IQGAP1: variants seen among roughly 807,000 people sequenced by gnomAD.
The protein encoded by IQGAP1 is ras GTPase-activating-like protein IQGAP1.
IQGAP1 carries 66 observed loss-of-function variants against 215.6 expected under a neutral mutation model. The ratio of observed to expected loss-of-function variants is 0.31; its 90% CI spans 0.25 to 0.38. The LOEUF is 0.38. Ranked by LOEUF, IQGAP1 falls within the 10% of genes least tolerant of loss-of-function variation. The probability of loss-of-function intolerance (pLI) is 1.00; values close to 1 mark genes in which losing one functional copy is unlikely to be tolerated. For synonymous variants in IQGAP1, 772 were observed against 728.7 expected (o/e 1.06, Z -0.96); for missense variants, 1,712 against 1,997.1 (o/e 0.86, Z 2.72).
chr15:90,449,805 G>T (rs573522409), intron 11 of IQGAP1, among the ~76,000 whole-genome samples, 162 bp downstream of exon 11: 2 of 152,176 alleles, frequency 1.3e-5, no homozygotes, highest in African/African-American at 4.8e-5. Flanking sequence ...GTTTGTTGTT[G>T]TGGTGGTTTT....
chr15:90,440,369 T>A, intron 6 of IQGAP1, 133 bp from the exon 7 acceptor site: 1 of 620,792 alleles, frequency 1.6e-6, no homozygotes, highest in Non-Finnish European at 2.9e-6. Context: ...ATACATTGTA[T>A]CTTTATATCC....
rs559429683 is a variant in IQGAP1, at chr15:90,401,145, C to T, written c.155+10272C>T. ...GGAACCTGGAGGGCCTGTGGCCTAC[C>T]GGATCAAATCAGGGCTCTGCTCCTT... On this transcript the variant is annotated intron_variant, in intron 2 of 37. Coordinates refer to ENST00000268182, the MANE Select transcript of IQGAP1 (RefSeq NM_003870.4). Among the ~76,000 whole-genome samples the T allele has an allele frequency of 1.4e-4, 21 of 152,080 alleles. No homozygotes were observed. The East Asian group carries it at 1.5e-3, about 11-fold the overall frequency.
intron 2 of IQGAP1, among the ~76,000 whole-genome samples, chr15:90,424,517 C>G (rs10520687): frequency 0.2 from 30,561 of 152,086 alleles, 3,235 homozygotes; most frequent in African/African-American, 0.25. Context: ...GAGTACGCTG[C>G]CTAATTTAAA....
intron 19 of IQGAP1, chr15:90,473,441 G>T (rs2151032029): frequency 2.2e-6 from 1 of 445,744 alleles, no homozygotes; most frequent in Non-Finnish European, 4.1e-6. Context: ...TCCTCACCTG[G>T]TTTGTTGTAA....
intron 28 of IQGAP1, 71 bp from the exon 29 acceptor site, chr15:90,483,290 T>C: frequency 8.5e-7 from 1 of 1,174,032 alleles, no homozygotes; most frequent in South Asian, 1.3e-5. Flanking sequence ...TTTTCTTTGC[T>C]AGCAAAGTCA....
At position 90,483,593 on chromosome 15, in the gene IQGAP1, G is replaced by C. The variant is rs533690641; in HGVS notation, c.3788G>C (p.Arg1263Thr). Residue 1263 changes from arginine (R) to threonine (T), a missense_variant and splice_region_variant, in exon 29 of 38, where the codon AGA (arginine) becomes ACA (threonine). By Grantham distance (71) the Arg-to-Thr change is moderately conservative. Coordinates refer to ENST00000268182, the MANE Select transcript of IQGAP1 (RefSeq NM_003870.4). Reference protein sequence around the residue: ...EYLSQSYQKFRRFFQTACDVP... With the variant: ...EYLSQSYQKFTRFFQTACDVP... ...CTTTCCCAGTCCTACCAGAAATTCA[G>C]GTAAGGGGAAAGGCACAAGTGCTTA... is the stretch of plus-strand genomic sequence containing the variant. 2 of 1,597,932 alleles carry C rather than the reference G, an allele frequency of 1.3e-6. No homozygotes were observed. Among genetic ancestry groups the C allele is most frequent in the Non-Finnish European group, 1.7e-6 (2 of 1,168,966 alleles).
At chr15:90,391,004 TG>T (rs1490153046) in intron 2 of IQGAP1, 131 bp downstream of exon 2, 8 of 620,962 alleles carry the variant, frequency 1.3e-5, no homozygotes, top group Non-Finnish European at 2.1e-5. Flanking sequence ...GAGGCCGAGG[TG>T]GGGGGGAATC....
intron 3 of IQGAP1, among the ~76,000 whole-genome samples, chr15:90,428,697 C>T (rs1238791418): frequency 1.3e-5 from 2 of 152,040 alleles, no homozygotes; most frequent in African/African-American, 4.8e-5. Context: ...GTGAGAATAT[C>T]GCTTGAGCCC....
At chr15:90,487,770 C>T (rs906480767) in intron 33 of IQGAP1, among the ~76,000 whole-genome samples, 188 bp downstream of exon 33, 1 of 152,030 alleles carries the variant, frequency 6.6e-6, no homozygotes, top group Admixed American at 6.6e-5. Context: ...CAGGTGATGT[C>T]CTTTGGACAG....
rs998000829 is a variant in IQGAP1 at position 90,433,702 on chromosome 15, CTTTT to C, written c.391-16_391-13del. On this transcript the variant is annotated splice_polypyrimidine_tract_variant and intron_variant, in intron 4 of 37. Transcript: ENST00000268182. ...AGTGAATGGATATCTTACTCTGTTT[CTTTT>C]ATTTCTCCCTAGATTTTTTACCCAG... The C allele has an allele frequency of 4.1e-6, 6 of 1,480,290 alleles. No individual in the cohort carries two copies. The African/African-American group carries it at 8.4e-5, about 21-fold the overall frequency. 91.7% of individuals were successfully genotyped at this position (1,480,290 alleles called of 1,614,324 possible). A position where few individuals can be genotyped will look rare whatever the true frequency, so the allele number is the denominator to read the frequency against.
At chr15:90,388,771 C>G (rs992271208) in intron 1 of IQGAP1, among the ~76,000 whole-genome samples, 8 of 152,166 alleles carry the variant, frequency 5.3e-5, no homozygotes, top group South Asian at 2.1e-4. Flanking sequence ...GGGCTCTGCC[C>G]GTTTCGTGGA....
At chr15:90,465,896 C>A in intron 15 of IQGAP1, 105 bp from the exon 16 acceptor site, 1 of 875,384 alleles carries the variant, frequency 1.1e-6, no homozygotes, top group South Asian at 1.4e-5. Flanking sequence ...TTTTTTAAGC[C>A]TGTTCTTCCA....
chr15:90,391,550 T>G (rs1964636097), intron 2 of IQGAP1: 1 of 152,426 alleles, frequency 6.6e-6, no homozygotes, highest in Non-Finnish European at 1.5e-5. Flanking sequence ...TATATATGAA[T>G]TGAGTCTCCT....
intron 35 of IQGAP1, 48 bp from the exon 36 acceptor site, chr15:90,494,665 C>G (rs531218579): frequency 2.0e-6 from 3 of 1,520,674 alleles, no homozygotes; most frequent in African/African-American, 2.8e-5. Context: ...GATGAAGATT[C>G]AGAGTAGATG....
intron 26 of IQGAP1, among the ~76,000 whole-genome samples, chr15:90,479,476 G>A (rs1039375817): frequency 2.6e-5 from 4 of 151,566 alleles, no homozygotes; most frequent in Admixed American, 6.6e-5. Flanking sequence ...GGTAGCTCAC[G>A]ACTGTAATCC....
chr15:90,474,816 C>CT (rs539841859), intron 23 of IQGAP1, 123 bp downstream of exon 23: 14,839 of 483,564 alleles, frequency 0.031, 3 homozygotes, highest in East Asian at 0.059. Flanking sequence ...GCCATAAGAG[C>CT]TTTTTTTTTT....
chr15:90,474,435 C>T (rs772206492), intron 22 of IQGAP1, 50 bp from the exon 23 acceptor site: 24 of 1,344,418 alleles, frequency 1.8e-5, no homozygotes, highest in Admixed American at 5.0e-5. Flanking sequence ...TTTCCTGAGA[C>T]GTAGTACTTT....
intron 20 of IQGAP1, 43 bp downstream of exon 20, chr15:90,473,841 A>G: frequency 6.2e-7 from 1 of 1,606,430 alleles, no homozygotes; most frequent in Admixed American, 1.7e-5. Flanking sequence ...GGGCACAGGT[A>G]TAACACGTGT....
Position 90,388,252 on chromosome 15 carries a change from A to T in IQGAP1, c.-90A>T. On this transcript the variant is annotated 5_prime_UTR_variant, in exon 1 of 38. In the 5' UTR this introduces an upstream ATG that the reference lacks. Coordinates refer to ENST00000268182, the MANE Select transcript of IQGAP1 (RefSeq NM_003870.4). ...GGGCGGGGCCTCGGGGACCCCGGCA[A>T]GCCCGCGCACTTGGCAGGAGCTGTA... The T allele has an allele frequency of 6.9e-7, 1 of 1,452,716 alleles. No homozygotes were observed. The highest frequency in any genetic ancestry group is 1.2e-5 in the South Asian group (1 of 83,956). The allele number at this position is 1,452,716 out of a possible 1,614,324, so 90.0% of individuals were successfully genotyped here. A position where few individuals can be genotyped will look rare whatever the true frequency, so the allele number is the denominator to read the frequency against.
Sources: allele counts gnomAD v4.1 joint callset (sites outside exome capture counted in the v4.1 genomes callset), GRCh38; gene constraint gnomAD v4.1.1; transcripts MANE v1.5; gene names NCBI Gene and HGNC (gene_info 2026-07-23, HGNC 2026-07-21).